Variants in ZNF605 observed in about 807,000 individuals in gnomAD.
ZNF605 encodes the protein zinc finger protein 605.
ZNF605 carries 9 observed loss-of-function variants against 7.9 expected under a neutral mutation model. That is an observed-to-expected ratio of 1.14 (90% CI 0.68 to 1.98). The LOEUF is 1.98. Ranked by LOEUF, ZNF605 falls within the 30% of genes most tolerant of loss-of-function variation. The probability of loss-of-function intolerance (pLI) is 0.00; values close to 1 mark genes in which losing one functional copy is unlikely to be tolerated. For synonymous variants in ZNF605, 255 were observed against 260.1 expected (o/e 0.98, Z 0.19); for missense variants, 673 against 762.4 (o/e 0.88, Z 1.38).
chr12:132,920,480 C>T lies in ZNF605; in HGVS notation c.*4893G>A, dbSNP rs1220206197. 1 of 152,132 alleles carries T rather than the reference C, an allele frequency of 6.6e-6. No individual in the cohort carries two copies. Among genetic ancestry groups the T allele is most frequent in the African/African-American group, 2.4e-5 (1 of 41,422 alleles). The allele number at this position is 152,132 out of a possible 1,614,324, so 9.4% of individuals were successfully genotyped here. On this transcript the variant is annotated 3_prime_UTR_variant, in exon 5 of 5. Transcript: ENST00000360187. ...AGCATTCTGACAAGATGTTAAATGA[C>T]CCGGATACAATGAGTAATAATTGTG... is the stretch of plus-strand genomic sequence containing the variant.
At chr12:132,932,756 A>G in intron 4 of ZNF605, 2 of 1,536,662 alleles carry the variant, frequency 1.3e-6, no homozygotes, top group South Asian at 1.2e-5. Context: ...TTATCCATGG[A>G]TCTTGTTGTT....
intron 3 of ZNF605, among the ~76,000 whole-genome samples, chr12:132,938,814 G>C (rs1952396257): frequency 6.6e-6 from 1 of 152,118 alleles, no homozygotes; most frequent in Non-Finnish European, 1.5e-5. Flanking sequence ...GGAGTTCCGG[G>C]TGGGCGTGGG....
chr12:132,928,772 G>T (rs12305811), intron 4 of ZNF605, among the ~76,000 whole-genome samples: 31,552 of 152,116 alleles, frequency 0.21, 3,364 homozygotes, highest in South Asian at 0.27. Flanking sequence ...AGCACTTTGG[G>T]AGGCTGAGGT....
At position 132,923,979 on chromosome 12, in the gene ZNF605, A is replaced by G. The variant is rs1952225114; in HGVS notation, c.*1394T>C. 6.6e-6 allele frequency: 1 copy of G among 152,128 alleles called. No individual in the cohort carries two copies. Among genetic ancestry groups the G allele is most frequent in the Admixed American group, 6.6e-5 (1 of 15,262 alleles). 9.4% of individuals were successfully genotyped at this position (152,128 alleles called of 1,614,324 possible). A position where few individuals can be genotyped will look rare whatever the true frequency, so the allele number is the denominator to read the frequency against. ...TCTAATCTCTCCACTCGGGATTTTA[A>G]CAAAATCAGAAGTTGATTTCATCCC... On this transcript the variant is annotated 3_prime_UTR_variant, in exon 5 of 5. Coordinates refer to ENST00000360187, the MANE Select transcript of ZNF605 (RefSeq NM_183238.4).
intron 3 of ZNF605, among the ~76,000 whole-genome samples, chr12:132,943,090 C>T (rs971414110): frequency 1.3e-5 from 2 of 151,988 alleles, no homozygotes; most frequent in Non-Finnish European, 2.9e-5. Flanking sequence ...CGGCCGGGCA[C>T]GGTGGCTCAC....
chr12:132,950,794 T>C (rs1488603746), intron 1 of ZNF605, among the ~76,000 whole-genome samples: 1 of 148,740 alleles, frequency 6.7e-6, no homozygotes, highest in Non-Finnish European at 1.5e-5. Context: ...ACAGACACAC[T>C]GATACATCAT....
intron 3 of ZNF605, among the ~76,000 whole-genome samples, chr12:132,938,946 C>T (rs1215996970): frequency 3.3e-5 from 5 of 152,140 alleles, no homozygotes; most frequent in African/African-American, 4.8e-5. Context: ...GCTGGCCCAC[C>T]GGCGCTGCGC....
intron 3 of ZNF605, among the ~76,000 whole-genome samples, chr12:132,939,075 C>T (rs142269242): frequency 0.25 from 37,637 of 150,920 alleles, 5,491 homozygotes; most frequent in Middle Eastern, 0.34. Flanking sequence ...GCCTCCCTGA[C>T]GAGCACCACC....
rs1314206643 is a variant in ZNF605, at chr12:132,927,155, C to A, written c.144G>T (p.Trp48Cys). 38 of 1,552,306 alleles carry A rather than the reference C, an allele frequency of 2.4e-5. No homozygotes were observed. The highest frequency in any genetic ancestry group is 3.2e-5 in the Non-Finnish European group (37 of 1,161,600). ...NYSNLVFLEV[W>C]LDNPKMWLRD... ...GGAGCCACATTTTGGGATTATCTAG[C>A]CAGACTTCTAAAAAGAGAAAAAAAT... is the stretch of plus-strand genomic sequence containing the variant. The change falls in exon 5 of 5, where the codon TGG becomes TGT. Residue 48 changes from tryptophan (W) to cysteine (C), a missense_variant. Trp to Cys is a radical substitution (Grantham distance 215, BLOSUM62 -2). Coordinates refer to ENST00000360187, the MANE Select transcript of ZNF605 (RefSeq NM_183238.4).
At chr12:132,951,614 T>C (rs1952568597) in intron 1 of ZNF605, among the ~76,000 whole-genome samples, 4 of 142,992 alleles carry the variant, frequency 2.8e-5, no homozygotes, top group Non-Finnish European at 6.0e-5. Context: ...GATACACACG[T>C]TCGTATCACA....
chr12:132,927,080 A>G lies in ZNF605; in HGVS notation c.219T>C (p.Asp73=). 6.2e-7 allele frequency: 1 copy of G among 1,600,842 alleles called. No homozygotes were observed. ...TTGAATTAAATATTTTTCCAAAAAC[A>G]TCATATTTATGGCCTCTCTCCATAC... ...LKSMERGHKY[D]VFGKIFNSSI... The change falls in exon 5 of 5, where the codon GAT becomes GAC. Residue 73 remains aspartate (D), a synonymous_variant. Coordinates refer to ENST00000360187, the MANE Select transcript of ZNF605 (RefSeq NM_183238.4).
intron 2 of ZNF605, among the ~76,000 whole-genome samples, chr12:132,946,731 G>A (rs1374798947): frequency 6.6e-6 from 1 of 152,192 alleles, no homozygotes; most frequent in Non-Finnish European, 1.5e-5. Context: ...CCCAGAGTGG[G>A]GGCAGCTCAC....
chr12:132,921,615 T>C lies in ZNF605; in HGVS notation c.*3758A>G, dbSNP rs531970426. ...TTCCTAAAAGATCAGAGCAGAGTGA[T>C]ACACAAGTTTATTAACACAGACTAC... On this transcript the variant is annotated 3_prime_UTR_variant, in exon 5 of 5. Transcript: ENST00000360187. 1.3e-5 allele frequency: 2 copies of C among 152,372 alleles called. No homozygotes were observed. The highest frequency in any genetic ancestry group is 2.1e-4 in the South Asian group (1 of 4,830). 9.4% of individuals were successfully genotyped at this position (152,372 alleles called of 1,614,324 possible).
chr12:132,932,779 T>C (rs999042041), intron 4 of ZNF605: 132 of 1,536,276 alleles, frequency 8.6e-5, no homozygotes, highest in Non-Finnish European at 1.0e-4. Context: ...AGTTTGAACA[T>C]TGCATCAGGT....
chr12:132,938,449 C>T (rs1952391069), intron 3 of ZNF605, among the ~76,000 whole-genome samples: 2 of 152,042 alleles, frequency 1.3e-5, no homozygotes, highest in African/African-American at 2.4e-5. Context: ...TACAGGCACA[C>T]GCCACCACAC....
intron 3 of ZNF605, among the ~76,000 whole-genome samples, chr12:132,938,794 C>A (rs1488267499): frequency 6.6e-6 from 1 of 151,994 alleles, no homozygotes; most frequent in African/African-American, 2.4e-5. Flanking sequence ...GCGGCGCTTG[C>A]GGGCCAGCTG....
At chr12:132,946,313 A>C (rs1187109661) in intron 2 of ZNF605, among the ~76,000 whole-genome samples, 1 of 152,236 alleles carries the variant, frequency 6.6e-6, no homozygotes, top group Non-Finnish European at 1.5e-5. Context: ...ACAAAAGGAA[A>C]ACATAGATCA....
In ZNF605 at chr12:132,925,331, C is replaced by G; in HGVS notation, c.*42G>C. On this transcript the variant is annotated 3_prime_UTR_variant, in exon 5 of 5. Transcript: ENST00000360187. ...TCCTCAAAAGTGTCAGAAAGTATGACACTTGATAGCAACCTTTCTGCATTC... is the reference window on the plus strand; with the variant it reads ...TCCTCAAAAGTGTCAGAAAGTATGAGACTTGATAGCAACCTTTCTGCATTC... The G allele has an allele frequency of 7.0e-7, 1 of 1,436,682 alleles. No homozygotes were observed. The highest frequency in any genetic ancestry group is 9.5e-7 in the Non-Finnish European group (1 of 1,057,688). The allele number at this position is 1,436,682 out of a possible 1,614,324, so 89.0% of individuals were successfully genotyped here. A position where few individuals can be genotyped will look rare whatever the true frequency, so the allele number is the denominator to read the frequency against.
intron 3 of ZNF605, among the ~76,000 whole-genome samples, chr12:132,943,246 C>T (rs1952462640): frequency 6.6e-6 from 1 of 151,868 alleles, no homozygotes; most frequent in South Asian, 2.1e-4. Context: ...GTAGTCCCAG[C>T]TACTCGGGAG....
Sources: allele counts gnomAD v4.1 joint callset (sites outside exome capture counted in the v4.1 genomes callset), GRCh38; gene constraint gnomAD v4.1.1; transcripts MANE v1.5; gene names NCBI Gene and HGNC (gene_info 2026-07-23, HGNC 2026-07-21).